SLC6A17: variants seen among roughly 807,000 people sequenced by gnomAD.
The protein encoded by SLC6A17 is sodium-dependent neutral amino acid transporter SLC6A17.
Under a neutral mutation model 64.5 loss-of-function variants are expected in SLC6A17, and 21 were observed. The ratio of observed to expected loss-of-function variants is 0.33; its 90% CI spans 0.23 to 0.47. The LOEUF (loss-of-function observed/expected upper bound fraction) is 0.47. Ranked by LOEUF, SLC6A17 falls within the 20% of genes least tolerant of loss-of-function variation. The pLI, the probability that SLC6A17 is intolerant of heterozygous loss-of-function variation, is 1.00. For synonymous variants in SLC6A17, 372 were observed against 399.5 expected, an observed-to-expected ratio of 0.93 and a Z score of 0.82; for missense variants, 682 against 963.2, an observed-to-expected ratio of 0.71 and a Z score of 3.86.
intron 11 of SLC6A17, among the ~76,000 whole-genome samples, 157 bp from the exon 12 acceptor site, chr1:110,197,919 C>A (rs1657013744): frequency 5.9e-5 from 9 of 152,170 alleles, no homozygotes; most frequent in Admixed American, 5.9e-4. Flanking sequence ...ACCAAGGTGA[C>A]CAGGTAAACC....
chr1:110,155,350 C>T (rs1200044096), intron 1 of SLC6A17, among the ~76,000 whole-genome samples: 3 of 152,098 alleles, frequency 2.0e-5, no homozygotes, highest in East Asian at 3.8e-4. Context: ...CATAGTTAGA[C>T]GTTCAATATG....
chr1:110,176,552 C>G, intron 5 of SLC6A17, 77 bp from the exon 6 acceptor site: 1 of 1,407,104 alleles, frequency 7.1e-7, no homozygotes, highest in Non-Finnish European at 1.0e-6. Context: ...CTCATGTGCC[C>G]CAGATGTGAG....
chr1:110,186,927 A>G (rs1301235429), intron 6 of SLC6A17, among the ~76,000 whole-genome samples: 8 of 152,228 alleles, frequency 5.3e-5, no homozygotes, highest in African/African-American at 9.7e-5. Flanking sequence ...AGTGAGTAGG[A>G]GGAAGGGAAT....
chr1:110,168,363 A>G (rs1656129771), intron 2 of SLC6A17: 1 of 152,230 alleles, frequency 6.6e-6, no homozygotes, highest in African/African-American at 2.4e-5. Flanking sequence ...TTAGAAGGCC[A>G]CATTTGGCTG....
Position 110,167,081 on chromosome 1 carries a change from TGGA to T in SLC6A17, c.160_162del (p.Glu54del). The T allele has an allele frequency of 6.2e-7, 1 of 1,606,844 alleles. No individual in the cohort carries two copies. The highest frequency in any genetic ancestry group is 8.5e-7 in the Non-Finnish European group (1 of 1,177,348). ...GAGGCAGGCGGCAAGCAGAAGGCGG[TGGA>T]GGAGGAGCTGGATGCAGAGGACCGG... On this transcript the variant is annotated inframe_deletion, in exon 2 of 12. Coordinates refer to ENST00000331565, the MANE Select transcript of SLC6A17 (RefSeq NM_001010898.4).
rs751831915 is a variant in SLC6A17 at position 110,194,738 on chromosome 1, G to A, written c.1459G>A (p.Asp487Asn). Reference protein sequence around the residue: ...TMAGITTPIIDTFKVPKEMFT... With the variant: ...TMAGITTPIINTFKVPKEMFT... ...GGCAGGCATCACCACGCCCATCATC[G>A]ACACCTTCAAGGTGCCCAAGGAGAT... The change falls in exon 9 of 12, where the codon GAC becomes AAC. Residue 487 changes from aspartate (D) to asparagine (N), a missense_variant. This residue lies in a region of SLC6A17 where 264 missense variants were observed against 339.5 expected (regional missense o/e 0.78). Transcript: ENST00000331565. The A allele has an allele frequency of 1.9e-6, 3 of 1,613,818 alleles. No homozygotes were observed. Among genetic ancestry groups the A allele is most frequent in the African/African-American group, 1.3e-5 (1 of 74,896 alleles).
chr1:110,188,263 G>T (rs115433901), intron 6 of SLC6A17, among the ~76,000 whole-genome samples: 1 of 152,180 alleles, frequency 6.6e-6, no homozygotes, highest in South Asian at 2.1e-4. Flanking sequence ...ATAAGGAACC[G>T]TGGGCCTGTA....
At chr1:110,197,964 A>C in intron 11 of SLC6A17, 112 bp from the exon 12 acceptor site, 1 of 1,484,268 alleles carries the variant, frequency 6.7e-7, no homozygotes, top group Non-Finnish European at 8.9e-7. Flanking sequence ...GGATGGTGGG[A>C]GGGGAGAGGA....
At position 110,200,244 on chromosome 1, in the gene SLC6A17, C is replaced by G. The variant is rs1192573836; in HGVS notation, c.*1800C>G. ...AACCCTGCCATCTCCCTTACTCATCCCTCTTCCACAGCTTCCCCTTTCTAG... is the reference window on the plus strand; with the variant it reads ...AACCCTGCCATCTCCCTTACTCATCGCTCTTCCACAGCTTCCCCTTTCTAG... On this transcript the variant is annotated 3_prime_UTR_variant, in exon 12 of 12. Transcript: ENST00000331565. The G allele has an allele frequency of 2.5e-6, 1 of 396,878 alleles. No homozygotes were observed. The highest frequency in any genetic ancestry group is 4.4e-6 in the Non-Finnish European group (1 of 225,602). 24.6% of individuals were successfully genotyped at this position (396,878 alleles called of 1,614,324 possible).
chr1:110,160,184 T>TCC (rs1255018647), intron 1 of SLC6A17, among the ~76,000 whole-genome samples: 4 of 152,250 alleles, frequency 2.6e-5, no homozygotes, highest in African/African-American at 9.6e-5. Flanking sequence ...CAAACTGGCT[T>TCC]CCAAGTCTTG....
At chr1:110,153,422 A>C (rs1000589421) in intron 1 of SLC6A17, among the ~76,000 whole-genome samples, 2 of 152,012 alleles carry the variant, frequency 1.3e-5, no homozygotes, top group African/African-American at 4.8e-5. Context: ...TGCTGAGCTA[A>C]GATGTGTGTG....
At chr1:110,157,215 A>G (rs1225132329) in intron 1 of SLC6A17, among the ~76,000 whole-genome samples, 1 of 152,094 alleles carries the variant, frequency 6.6e-6, no homozygotes, top group Non-Finnish European at 1.5e-5. Flanking sequence ...CCATATCACC[A>G]TCATCGCTTA....
chr1:110,179,526 T>TTCTCCTCCCC (rs1656460451), intron 6 of SLC6A17, among the ~76,000 whole-genome samples: 2 of 65,708 alleles, frequency 3.0e-5, no homozygotes, highest in African/African-American at 1.2e-4. Flanking sequence ...TCCCTTCCCC[T>TTCTCCTCCCC]TCCCCTCCCC....
chr1:110,176,485 T>G, intron 5 of SLC6A17, 144 bp from the exon 6 acceptor site: 1 of 711,442 alleles, frequency 1.4e-6, no homozygotes, highest in Non-Finnish European at 2.4e-6. Flanking sequence ...TGTGTGGCAG[T>G]TTTGGCCCTC....
chr1:110,163,846 C>G (rs972702814), intron 1 of SLC6A17, among the ~76,000 whole-genome samples: 2 of 152,190 alleles, frequency 1.3e-5, no homozygotes, highest in Admixed American at 1.3e-4. Context: ...TGCCAATGCT[C>G]TTTCCTGTCA....
At chr1:110,173,697 C>G (rs1036111101) in intron 3 of SLC6A17, among the ~76,000 whole-genome samples, 24 of 152,242 alleles carry the variant, frequency 1.6e-4, no homozygotes, top group Admixed American at 1.4e-3. Flanking sequence ...GAATTTCAAA[C>G]TGGAAAGGAT....
Position 110,197,449 on chromosome 1 carries a change from G to A in SLC6A17, c.1665G>A (p.Glu555=), listed in dbSNP as rs1656998465. ...CTATGCCTGGCAGGTTCATGCAGGA[G>A]CTGACGGAGATGCTGGGCTTCCGCC... ...WIYGTKKFMQ[E]LTEMLGFRPY... The change falls in exon 11 of 12, where the codon GAG becomes GAA. Residue 555 remains glutamate, a synonymous_variant. Coordinates refer to ENST00000331565, the MANE Select transcript of SLC6A17 (RefSeq NM_001010898.4). The A allele has an allele frequency of 5.0e-6, 8 of 1,612,160 alleles. No homozygotes were observed. The South Asian group carries it at 8.8e-5, about 18-fold the overall frequency.
rs370642490 is a variant in SLC6A17 at position 110,198,406 on chromosome 1, G to A, written c.2146G>A (p.Gly716Ser). Residue 716 changes from glycine (G) to serine (S), a missense_variant, in exon 12 of 12, where the codon GGC becomes AGC. Transcript: ENST00000331565. The part of the protein sequence containing the change: ...SGNPNGRYGS[G>S]YLLASTPESE... ...TAACCCCAATGGACGCTATGGGAGC[G>A]GCTACCTGCTGGCCAGCACCCCTGA... 7.2e-5 allele frequency: 116 copies of A among 1,613,358 alleles called. No individual in the cohort carries two copies. Among genetic ancestry groups the A allele is most frequent in the African/African-American group, 9.3e-5 (7 of 74,886 alleles).
intron 6 of SLC6A17, among the ~76,000 whole-genome samples, chr1:110,187,034 G>C (rs1656702797): frequency 6.6e-6 from 1 of 151,966 alleles, no homozygotes; most frequent in African/African-American, 2.4e-5. Flanking sequence ...TAAAGGAATG[G>C]AAAAAGATTT....
Sources: gnomAD v4.1 joint callset for allele counts (sites outside exome capture counted in the v4.1 genomes callset) on GRCh38, gnomAD v4.1.1 for gene constraint, gnomAD v4.1.1 regional missense constraint, MANE v1.5 for transcripts, NCBI Gene and HGNC (gene_info 2026-07-23, HGNC 2026-07-21) for gene names.